Variants in BBS9 observed in about 807,000 individuals in gnomAD.
The protein encoded by BBS9 is protein PTHB1.
BBS9 carries 89 observed loss-of-function variants against 117.7 expected under a neutral mutation model. The observed-to-expected ratio is 0.76, with a 90% CI of 0.64 to 0.90. The LOEUF is 0.90. Among genes scored for constraint, BBS9 ranks in the 40% least tolerant of loss-of-function variants. The probability of loss-of-function intolerance (pLI) is 0.00; values close to 1 mark genes in which losing one functional copy is unlikely to be tolerated. For synonymous variants in BBS9, 379 were observed against 370.9 expected, an observed-to-expected ratio of 1.02 and a Z score of -0.25; for missense variants, 982 against 1,042.2, an observed-to-expected ratio of 0.94 and a Z score of 0.80.
chr7:33,372,390 C>A (rs1263663115), intron 17 of BBS9, among the ~76,000 whole-genome samples: 1 of 152,106 alleles, frequency 6.6e-6, no homozygotes, highest in East Asian at 1.9e-4. Context: ...AATGCTTTTT[C>A]TGCATCTATT....
chr7:33,622,317 C>G (rs1865450821), intron 21 of BBS9, among the ~76,000 whole-genome samples: 2 of 152,102 alleles, frequency 1.3e-5, no homozygotes, highest in African/African-American at 4.8e-5. Flanking sequence ...AATGGTGGCT[C>G]TCAGGTTCTA....
intron 9 of BBS9, among the ~76,000 whole-genome samples, chr7:33,278,000 G>C (rs191396111): frequency 8.5e-4 from 130 of 152,192 alleles, no homozygotes; most frequent in Middle Eastern, 3.4e-3. Context: ...GTTGAGTTTT[G>C]GGGAAGGGCT....
chr7:33,575,155 T>C (rs34025074), intron 21 of BBS9, among the ~76,000 whole-genome samples: 33,836 of 151,798 alleles, frequency 0.22, 5,181 homozygotes, highest in African/African-American at 0.42. Context: ...TATTCCAACC[T>C]CTCCCAAGTA....
At chr7:33,226,818 C>T (rs575086934) in intron 5 of BBS9, among the ~76,000 whole-genome samples, 1 of 152,152 alleles carries the variant, frequency 6.6e-6, no homozygotes, top group South Asian at 2.1e-4. Flanking sequence ...ATTCTTTTTA[C>T]ATAAGGTTCT....
chr7:33,510,196 G>T (rs1846731587), intron 20 of BBS9, among the ~76,000 whole-genome samples: 2 of 152,140 alleles, frequency 1.3e-5, no homozygotes, highest in Admixed American at 6.6e-5. Context: ...CAGAGTATCA[G>T]ATTGGGCAAT....
intron 19 of BBS9, among the ~76,000 whole-genome samples, chr7:33,451,795 A>T (rs947373537): frequency 6.6e-6 from 1 of 152,092 alleles, no homozygotes; most frequent in Non-Finnish European, 1.5e-5. Flanking sequence ...ACATTTTAAC[A>T]ATTTTTGTTT....
At chr7:33,525,878 G>A (rs59118023) in intron 20 of BBS9, among the ~76,000 whole-genome samples, 21,617 of 150,672 alleles carry the variant, frequency 0.14, 1,878 homozygotes, top group African/African-American at 0.24. Flanking sequence ...ATTTTGCAGC[G>A]GCTGGTACAG....
chr7:33,161,473 G>C (rs1443375744), intron 4 of BBS9, among the ~76,000 whole-genome samples: 1 of 152,160 alleles, frequency 6.6e-6, no homozygotes, highest in Non-Finnish European at 1.5e-5. Context: ...TGGCTGCATA[G>C]TATTCCATGG....
At chr7:33,303,733 T>G (rs1807087867) in intron 9 of BBS9, among the ~76,000 whole-genome samples, 1 of 152,130 alleles carries the variant, frequency 6.6e-6, no homozygotes, top group African/African-American at 2.4e-5. Flanking sequence ...GGTCTCCAGC[T>G]CCTGACCTCG....
At chr7:33,625,169 A>G (rs1240265251) in intron 21 of BBS9, among the ~76,000 whole-genome samples, 4 of 152,220 alleles carry the variant, frequency 2.6e-5, no homozygotes. Flanking sequence ...GCACAAAATT[A>G]TAGTACCTTG....
intron 19 of BBS9, among the ~76,000 whole-genome samples, chr7:33,425,662 G>T (rs751379986): frequency 7.2e-5 from 11 of 152,176 alleles, no homozygotes; most frequent in Admixed American, 2.0e-4. Context: ...TCCTTAAAAG[G>T]CTCAGAAACT....
chr7:33,616,478 T>A (rs1039753642), intron 21 of BBS9, among the ~76,000 whole-genome samples: 3 of 141,674 alleles, frequency 2.1e-5, no homozygotes, highest in Admixed American at 7.0e-5. Context: ...TTATATAATA[T>A]ATGTGTGTGT....
At chr7:33,317,714 A>G (rs906345758) in intron 9 of BBS9, among the ~76,000 whole-genome samples, 7 of 152,172 alleles carry the variant, frequency 4.6e-5, no homozygotes, top group African/African-American at 1.7e-4. Context: ...ATCAGAAGAG[A>G]TCTTTGTCAA....
At chr7:33,238,719 AT>A (rs1179194390) in intron 5 of BBS9, among the ~76,000 whole-genome samples, 4 of 151,898 alleles carry the variant, frequency 2.6e-5, no homozygotes, top group African/African-American at 7.3e-5. Flanking sequence ...GTATTTTAGG[AT>A]TTTTTTTAGC....
chr7:33,335,607 A>G (rs1211771992), intron 9 of BBS9, among the ~76,000 whole-genome samples: 1 of 152,194 alleles, frequency 6.6e-6, no homozygotes, highest in Non-Finnish European at 1.5e-5. Flanking sequence ...CTTTAAAAAA[A>G]TTGTGTGCTA....
At chr7:33,302,294 T>A (rs746630402) in intron 9 of BBS9, among the ~76,000 whole-genome samples, 5 of 152,188 alleles carry the variant, frequency 3.3e-5, no homozygotes, top group Non-Finnish European at 7.4e-5. Context: ...TGATCCCATT[T>A]GTCTATTTCT....
At chr7:33,414,306 C>T (rs1043436375) in intron 19 of BBS9, among the ~76,000 whole-genome samples, 21 of 152,242 alleles carry the variant, frequency 1.4e-4, no homozygotes, top group Middle Eastern at 3.4e-3. Context: ...AGTTTAAATT[C>T]TACTTTACAA....
chr7:33,316,309 A>G (rs1163875817), intron 9 of BBS9, among the ~76,000 whole-genome samples: 3 of 152,056 alleles, frequency 2.0e-5, no homozygotes, highest in African/African-American at 2.4e-5. Context: ...TTATTTTTCT[A>G]TTGCTGAGTA....
In BBS9 at chr7:33,388,218, A is replaced by G. The variant is rs1044060537; in HGVS notation, c.2115+74A>G. 5 of 1,523,110 alleles carry G rather than the reference A, an allele frequency of 3.3e-6. No individual in the cohort carries two copies. The African/African-American group carries it at 6.9e-5, about 21-fold the overall frequency. 94.3% of individuals were successfully genotyped at this position (1,523,110 alleles called of 1,614,324 possible). On this transcript the variant is annotated intron_variant, in intron 19 of 22. Transcript: ENST00000242067. ...TTGTCACCCTAGAGTCATGTACCAGAATATCCAAGATAAGGTACTCATTTC... is the reference window on the plus strand; with the variant it reads ...TTGTCACCCTAGAGTCATGTACCAGGATATCCAAGATAAGGTACTCATTTC...
Sources: allele counts gnomAD v4.1 joint callset (sites outside exome capture counted in the v4.1 genomes callset), GRCh38; gene constraint gnomAD v4.1.1; transcripts MANE v1.5; gene names NCBI Gene and HGNC (gene_info 2026-07-23, HGNC 2026-07-21).